Variants in SNTG1 observed in about 807,000 individuals in gnomAD.
The protein encoded by SNTG1 is syntrophin gamma 1, also known as gamma-1-syntrophin.
In SNTG1, 39 loss-of-function variants were observed where a neutral mutation model predicts 74.7. The ratio of observed to expected loss-of-function variants is 0.52; its 90% CI spans 0.40 to 0.68. The LOEUF is 0.68. Among genes scored for constraint, SNTG1 ranks in the 30% least tolerant of loss-of-function variants. The pLI is 0.00. For synonymous variants in SNTG1, 254 were observed against 217.1 expected, an observed-to-expected ratio of 1.17 and a Z score of -1.49; for missense variants, 685 against 609.5, an observed-to-expected ratio of 1.12 and a Z score of -1.30.
intron 1 of SNTG1, among the ~76,000 whole-genome samples, chr8:50,067,194 C>T (rs1162983669): frequency 6.6e-6 from 1 of 152,168 alleles, no homozygotes; most frequent in Admixed American, 6.5e-5. Flanking sequence ...CTTTTCTGTG[C>T]AAGCAATTCC....
At chr8:50,570,613 T>TTATTATTAG (rs1283055163) in intron 12 of SNTG1, among the ~76,000 whole-genome samples, 1 of 145,082 alleles carries the variant, frequency 6.9e-6, no homozygotes, top group African/African-American at 2.5e-5. Context: ...ATTATTATTA[T>TTATTATTAG]TATTATTATT....
rs116286227 is a variant in SNTG1 at position 50,375,937 on chromosome 8, A to G, written c.-27-18275A>G. ...AGAAGTGACAAGAAAAAGGAAAAGG[A>G]CTTTGAATCTCTATAGATGGCAATT... On this transcript the variant is annotated intron_variant, in intron 2 of 18. Transcript: ENST00000642720. Among the ~76,000 whole-genome samples, 191 of 152,280 alleles carry G rather than the reference A, an allele frequency of 1.3e-3. 1 individual carries two copies. The highest frequency in any genetic ancestry group is 4.4e-3 in the African/African-American group (181 of 41,554).
intron 18 of SNTG1, among the ~76,000 whole-genome samples, chr8:50,786,554 C>G (rs1448936779): frequency 6.6e-6 from 1 of 151,724 alleles, no homozygotes; most frequent in African/African-American, 2.4e-5. Context: ...ATAATCTTGG[C>G]AAATAAGTTG....
At chr8:50,493,365 G>C (rs114894351) in intron 8 of SNTG1, among the ~76,000 whole-genome samples, 1 of 152,112 alleles carries the variant, frequency 6.6e-6, no homozygotes, top group African/African-American at 2.4e-5. Flanking sequence ...ACTTCAAACC[G>C]TTTAGGAAAC....
chr8:50,625,707 G>A (rs1038277084), intron 13 of SNTG1, among the ~76,000 whole-genome samples: 2 of 152,122 alleles, frequency 1.3e-5, no homozygotes, highest in Admixed American at 1.3e-4. Context: ...ATGACAAAAA[G>A]TATTCAATTC....
At chr8:50,525,821 T>C (rs2130243720) in intron 9 of SNTG1, among the ~76,000 whole-genome samples, 1 of 139,598 alleles carries the variant, frequency 7.2e-6, no homozygotes, top group South Asian at 2.3e-4. Context: ...TATTTTGTGT[T>C]TTTAAAGATA....
At chr8:50,712,216 ATC>A (rs2095463502) in intron 17 of SNTG1, among the ~76,000 whole-genome samples, 1 of 152,160 alleles carries the variant, frequency 6.6e-6, no homozygotes, top group Non-Finnish European at 1.5e-5. Context: ...CCAGACAGAT[ATC>A]TGTAAGTGAG....
chr8:50,553,303 A>C, intron 12 of SNTG1, 124 bp downstream of exon 12: 1 of 1,242,024 alleles, frequency 8.1e-7, no homozygotes. Context: ...CATGAAAGCT[A>C]TTCTGGAATA....
chr8:50,344,601 A>G (rs1039855967), intron 2 of SNTG1, among the ~76,000 whole-genome samples: 1 of 152,206 alleles, frequency 6.6e-6, no homozygotes, highest in African/African-American at 2.4e-5. Context: ...TCTGGCCACT[A>G]CAACTTAATG....
chr8:50,556,477 G>T (rs938119236), intron 12 of SNTG1, among the ~76,000 whole-genome samples: 3 of 152,114 alleles, frequency 2.0e-5, no homozygotes, highest in Admixed American at 1.3e-4. Flanking sequence ...TTTATAAATT[G>T]TAAAAAACAG....
intron 18 of SNTG1, among the ~76,000 whole-genome samples, chr8:50,776,552 T>C (rs2095641486): frequency 6.7e-6 from 1 of 148,896 alleles, no homozygotes. Flanking sequence ...TTATATAATA[T>C]TTTAAAATAT....
intron 2 of SNTG1, among the ~76,000 whole-genome samples, chr8:50,182,405 AT>A (rs2083237807): frequency 6.6e-6 from 1 of 152,188 alleles, no homozygotes; most frequent in Non-Finnish European, 1.5e-5. Flanking sequence ...ACATTAAACC[AT>A]TTTTATATTG....
chr8:50,436,371 A>G (rs534115768), intron 4 of SNTG1, among the ~76,000 whole-genome samples: 24 of 152,270 alleles, frequency 1.6e-4, no homozygotes, highest in African/African-American at 5.8e-4. Context: ...TTAGTCTTCC[A>G]GTATTTGAGT....
intron 12 of SNTG1, among the ~76,000 whole-genome samples, chr8:50,583,936 C>T (rs192447593): frequency 1.5e-4 from 23 of 152,092 alleles, no homozygotes; most frequent in East Asian, 9.7e-4. Flanking sequence ...CTCCACCCCA[C>T]GACAGGCCCC....
intron 12 of SNTG1, among the ~76,000 whole-genome samples, chr8:50,574,851 T>C (rs1366007028): frequency 1.3e-5 from 2 of 152,174 alleles, no homozygotes; most frequent in African/African-American, 4.8e-5. Context: ...AGAACATGAA[T>C]TTTTTTATTC....
At chr8:50,705,185 T>C (rs995859167) in intron 16 of SNTG1, among the ~76,000 whole-genome samples, 1 of 152,190 alleles carries the variant, frequency 6.6e-6, no homozygotes, top group Non-Finnish European at 1.5e-5. Flanking sequence ...TGAGACTTTT[T>C]ATCAAAGGTC....
At chr8:50,408,194 G>T (rs1261637694) in intron 4 of SNTG1, among the ~76,000 whole-genome samples, 1 of 152,120 alleles carries the variant, frequency 6.6e-6, no homozygotes, top group Non-Finnish European at 1.5e-5. Flanking sequence ...GTTTTACAAA[G>T]GCAGTTTCAG....
intron 1 of SNTG1, among the ~76,000 whole-genome samples, chr8:50,023,468 T>A (rs1816999151): frequency 6.6e-6 from 1 of 152,150 alleles, no homozygotes; most frequent in Admixed American, 6.5e-5. Flanking sequence ...AACTTTCCAA[T>A]CACAGTAGAA....
At chr8:50,268,681 G>A (rs1266706164) in intron 2 of SNTG1, among the ~76,000 whole-genome samples, 1 of 150,394 alleles carries the variant, frequency 6.6e-6, no homozygotes, top group Non-Finnish European at 1.5e-5. Context: ...TTTTTAGGCA[G>A]AGGCTCCCTC....
Sources: allele counts gnomAD v4.1 joint callset (sites outside exome capture counted in the v4.1 genomes callset), GRCh38; gene constraint gnomAD v4.1.1; transcripts MANE v1.5; gene names NCBI Gene and HGNC (gene_info 2026-07-23, HGNC 2026-07-21).